Variants in ROCK2 observed in about 807,000 individuals in gnomAD.
The protein encoded by ROCK2 is rho-associated protein kinase 2.
ROCK2 carries 61 observed loss-of-function variants against 195.1 expected under a neutral mutation model. That is an observed-to-expected ratio of 0.31 (90% CI 0.25 to 0.39). The LOEUF is 0.39. Ranked by LOEUF, ROCK2 falls within the 10% of genes least tolerant of loss-of-function variation. The probability of loss-of-function intolerance (pLI) is 1.00; values close to 1 mark genes in which losing one functional copy is unlikely to be tolerated. For synonymous variants in ROCK2, 504 were observed against 545.5 expected (o/e 0.92, Z 1.06); for missense variants, 1,109 against 1,637.4 (o/e 0.68, Z 5.57).
At chr2:11,194,858 G>T (rs1176779941) in intron 28 of ROCK2, 97 bp downstream of exon 28, 1 of 528,612 alleles carries the variant, frequency 1.9e-6, no homozygotes, top group African/African-American at 1.9e-5. Flanking sequence ...TGTGTCTAAA[G>T]GTACCAGTCA....
At chr2:11,212,344 C>A (rs1433384458) in intron 17 of ROCK2, among the ~76,000 whole-genome samples, 2 of 152,160 alleles carry the variant, frequency 1.3e-5, no homozygotes, top group Non-Finnish European at 2.9e-5. Context: ...ACAGTCTACA[C>A]CACCACTCTG....
At chr2:11,190,952 T>G (rs187933874) in intron 32 of ROCK2, among the ~76,000 whole-genome samples, 1 of 152,308 alleles carries the variant, frequency 6.6e-6, no homozygotes, top group East Asian at 1.9e-4. Context: ...TTATCATACC[T>G]CACACAAAAT....
At chr2:11,304,365 A>G (rs1667792685) in intron 1 of ROCK2, among the ~76,000 whole-genome samples, 1 of 152,118 alleles carries the variant, frequency 6.6e-6, no homozygotes, top group Non-Finnish European at 1.5e-5. Flanking sequence ...TGAGGCCAAT[A>G]ATGTTAATAT....
At chr2:11,334,594 G>C (rs1164660992) in intron 1 of ROCK2, among the ~76,000 whole-genome samples, 3 of 147,780 alleles carry the variant, frequency 2.0e-5, no homozygotes, top group African/African-American at 7.5e-5. Flanking sequence ...CGTACTAAAA[G>C]AGCTCATATT....
At chr2:11,340,911 C>T (rs1345436454) in intron 1 of ROCK2, among the ~76,000 whole-genome samples, 1 of 152,092 alleles carries the variant, frequency 6.6e-6, no homozygotes, top group Non-Finnish European at 1.5e-5. Flanking sequence ...AATAAATCAA[C>T]ACTCAAAAAG....
chr2:11,224,486 G>T, intron 6 of ROCK2, 26 bp from the exon 7 acceptor site: 2 of 1,600,282 alleles, frequency 1.2e-6, no homozygotes, highest in South Asian at 1.1e-5. Context: ...AGAAGATACT[G>T]AATGTAACAG....
chr2:11,202,192 T>C (rs1306397262), intron 20 of ROCK2, 71 bp from the exon 21 acceptor site: 2 of 1,265,806 alleles, frequency 1.6e-6, no homozygotes, highest in Admixed American at 3.4e-5. Flanking sequence ...CAAAGTATGG[T>C]CTGGGGGAAG....
chr2:11,298,415 A>G (rs1388256218), intron 1 of ROCK2, among the ~76,000 whole-genome samples: 1 of 145,658 alleles, frequency 6.9e-6, no homozygotes, highest in Non-Finnish European at 1.5e-5. Context: ...GGCTGCAGTG[A>G]GCCAAGATCG....
At chr2:11,264,197 C>T (rs779777677) in intron 3 of ROCK2, among the ~76,000 whole-genome samples, 22 of 152,058 alleles carry the variant, frequency 1.4e-4, no homozygotes, top group Non-Finnish European at 2.8e-4. Context: ...CAGCACTTCA[C>T]AACCTAAGAT....
chr2:11,344,092 C>A lies in ROCK2; in HGVS notation c.45G>T (p.Glu15Asp), dbSNP rs199617335. The change falls in exon 1 of 33, where the codon GAG becomes GAT. Residue 15 changes from glutamate (E) to aspartate (D), a missense_variant. Around this residue, in one of 6 missense-constraint regions of ROCK2, gnomAD observed 64 missense variants for 62.4 expected, o/e 1.03. Coordinates refer to ENST00000315872, the MANE Select transcript of ROCK2 (RefSeq NM_004850.5). The surrounding 1 kb of genome is among the most constrained non-coding windows in gnomAD (Gnocchi z 5.4). The part of the protein sequence containing the change: ...PPTGKMPGAP[E>D]TAPGDGAGAS... ...CGCCTGCCCCGTCCCCCGGCGCGGT[C>A]TCGGGGGCGCCGGGCATTTTCCCCG... is the stretch of plus-strand genomic sequence containing the variant. 2 of 1,527,218 alleles carry A rather than the reference C, an allele frequency of 1.3e-6. No individual in the cohort carries two copies. The highest frequency in any genetic ancestry group is 1.7e-6 in the Non-Finnish European group (2 of 1,144,212). 94.6% of individuals were successfully genotyped at this position (1,527,218 alleles called of 1,614,324 possible).
At chr2:11,300,129 TTCTAAAGGC>T (rs1667659974) in intron 1 of ROCK2, among the ~76,000 whole-genome samples, 2 of 152,186 alleles carry the variant, frequency 1.3e-5, no homozygotes, top group African/African-American at 4.8e-5. Flanking sequence ...AATCTACAGT[TTCTAAAGGC>T]TAATTACCAA....
rs183061319 is a variant in ROCK2 at position 11,279,037 on chromosome 2, C to A, written c.324+7502G>T. On this transcript the variant is annotated intron_variant, in intron 3 of 32. Transcript: ENST00000315872. ...AAGCAAAAAAAAAAGTATAAACAATCTGCTAAGAAAGGAGAGAAAATGAAA... is the reference window on the plus strand; with the variant it reads ...AAGCAAAAAAAAAAGTATAAACAATATGCTAAGAAAGGAGAGAAAATGAAA... Among the ~76,000 whole-genome samples, 3 of 150,574 alleles carry A rather than the reference C, an allele frequency of 2.0e-5. No homozygotes were observed. The East Asian group carries it at 5.9e-4, about 29-fold the overall frequency.
intron 17 of ROCK2, among the ~76,000 whole-genome samples, chr2:11,213,078 G>C (rs181969288): frequency 6.6e-6 from 1 of 152,206 alleles, no homozygotes; most frequent in East Asian, 1.9e-4. Context: ...CAACTATTAA[G>C]TGCTGCCAAA....
upstream of ROCK2, among the ~76,000 whole-genome samples, chr2:11,345,034 C>T (rs543485835): frequency 6.6e-6 from 1 of 151,336 alleles, no homozygotes; most frequent in South Asian, 2.1e-4. Flanking sequence ...GGCCGCGCCC[C>T]CCGCCGCGGC....
chr2:11,332,298 A>G (rs910930527), intron 1 of ROCK2, among the ~76,000 whole-genome samples: 1 of 152,228 alleles, frequency 6.6e-6, no homozygotes, highest in Non-Finnish European at 1.5e-5. Context: ...TATCAGTAGG[A>G]TAATTCCACA....
At chr2:11,222,250 C>A in intron 7 of ROCK2, 76 bp from the exon 8 acceptor site, 1 of 802,108 alleles carries the variant, frequency 1.2e-6, no homozygotes. Flanking sequence ...AACAGTTTAA[C>A]CAAAATAAAG....
intron 3 of ROCK2, among the ~76,000 whole-genome samples, chr2:11,258,787 G>C (rs1666124449): frequency 2.6e-5 from 4 of 151,038 alleles, no homozygotes; most frequent in Admixed American, 2.6e-4. Context: ...GGTAGGATAA[G>C]TCTAGGGCTA....
chr2:11,272,385 T>C (rs1218759029), intron 3 of ROCK2, among the ~76,000 whole-genome samples: 4 of 152,232 alleles, frequency 2.6e-5, no homozygotes, highest in South Asian at 4.1e-4. Flanking sequence ...TTTTGCTTTC[T>C]ACATGATTTA....
chr2:11,276,925 A>C (rs1666846513), intron 3 of ROCK2, among the ~76,000 whole-genome samples: 1 of 152,030 alleles, frequency 6.6e-6, no homozygotes, highest in Non-Finnish European at 1.5e-5. Context: ...TTGAAAGGGG[A>C]CTTGGATAAA....
Sources: gnomAD v4.1 joint callset for allele counts (sites outside exome capture counted in the v4.1 genomes callset) on GRCh38, gnomAD v4.1.1 for gene constraint, gnomAD v4.1.1 regional missense constraint, Gnocchi (gnomAD v3.1) non-coding constraint, MANE v1.5 for transcripts, NCBI Gene and HGNC (gene_info 2026-07-23, HGNC 2026-07-21) for gene names.